CCDC68: variants seen among roughly 807,000 people sequenced by gnomAD.
CCDC68 encodes coiled-coil domain-containing protein 68.
A neutral mutation model predicts 47.1 loss-of-function variants in CCDC68; 45 were observed. That is an observed-to-expected ratio of 0.96 (90% CI 0.75 to 1.23). The LOEUF is 1.23. CCDC68 is among the 50% of genes most tolerant of loss of function. The pLI is 0.00. For synonymous variants in CCDC68, 131 were observed against 129.5 expected (o/e 1.01, Z -0.08); for missense variants, 353 against 373.6 (o/e 0.94, Z 0.45).
intron 6 of CCDC68, among the ~76,000 whole-genome samples, chr18:54,936,491 G>T (rs1824247937): frequency 6.6e-6 from 1 of 151,870 alleles, no homozygotes; most frequent in South Asian, 2.1e-4. Flanking sequence ...CTCAGTCTGG[G>T]CCATCTAGCG....
At chr18:54,934,695 T>A in intron 7 of CCDC68, 125 bp downstream of exon 7, 1 of 714,256 alleles carries the variant, frequency 1.4e-6, no homozygotes. Flanking sequence ...CCAAGAATTG[T>A]AAAGAATACT....
intron 1 of CCDC68, chr18:54,958,073 C>T (rs369116419): frequency 2.0e-5 from 3 of 152,340 alleles, no homozygotes; most frequent in South Asian, 4.1e-4. Flanking sequence ...AAGTCTCTTT[C>T]TAGTTAGGAC....
Position 54,917,899 on chromosome 18 carries a change from G to T in CCDC68, c.873+14C>A. On this transcript the variant is annotated intron_variant, in intron 10 of 11. Coordinates refer to ENST00000591504, the MANE Select transcript of CCDC68 (RefSeq NM_025214.3). ...CACCCTCACAACAAAATGTAAGACAGGTTCCCTCCTTACCTGGGCTTCAAG... is the reference window on the plus strand; with the variant it reads ...CACCCTCACAACAAAATGTAAGACATGTTCCCTCCTTACCTGGGCTTCAAG... 2 of 1,492,174 alleles carry T rather than the reference G, an allele frequency of 1.3e-6. No homozygotes were observed. The highest frequency in any genetic ancestry group is 9.3e-7 in the Non-Finnish European group (1 of 1,071,848). The allele number at this position is 1,492,174 out of a possible 1,614,324, so 92.4% of individuals were successfully genotyped here. A position where few individuals can be genotyped will look rare whatever the true frequency, so the allele number is the denominator to read the frequency against.
chr18:54,915,252 A>G (rs2043925414), intron 10 of CCDC68, among the ~76,000 whole-genome samples: 1 of 152,242 alleles, frequency 6.6e-6, no homozygotes. Context: ...GGCATTTCAA[A>G]TTCACTCACT....
chr18:54,944,892 A>G (rs2044500152), intron 2 of CCDC68, among the ~76,000 whole-genome samples: 1 of 152,208 alleles, frequency 6.6e-6, no homozygotes, highest in African/African-American at 2.4e-5. Context: ...TAAATTAAGG[A>G]TCTTAAGAGA....
At chr18:54,950,504 T>C (rs769569091) in intron 1 of CCDC68, among the ~76,000 whole-genome samples, 10 of 152,204 alleles carry the variant, frequency 6.6e-5, no homozygotes, top group Non-Finnish European at 1.5e-4. Context: ...TGTTACGCTG[T>C]ACCCAAGTTC....
chr18:54,954,824 A>C (rs1187632727), intron 1 of CCDC68: 1 of 152,198 alleles, frequency 6.6e-6, no homozygotes, highest in Non-Finnish European at 1.5e-5. Flanking sequence ...TGATTACTCC[A>C]TCCAATCACA....
At chr18:54,905,906 C>T (rs1025241092) in intron 11 of CCDC68, among the ~76,000 whole-genome samples, 3 of 152,134 alleles carry the variant, frequency 2.0e-5, no homozygotes, top group Admixed American at 1.3e-4. Context: ...CATAGGTGCA[C>T]GAACCCCATT....
chr18:54,930,597 T>C, intron 7 of CCDC68, among the ~76,000 whole-genome samples: 1 of 131,400 alleles, frequency 7.6e-6, no homozygotes, highest in Non-Finnish European at 1.7e-5. Context: ...CTCCCTTCCT[T>C]CCTTCCTTCC....
intron 8 of CCDC68, among the ~76,000 whole-genome samples, chr18:54,928,585 C>T (rs1218391035): frequency 6.6e-6 from 1 of 152,120 alleles, no homozygotes; most frequent in Non-Finnish European, 1.5e-5. Flanking sequence ...GTGAACTCTG[C>T]CCCCGGCTCC....
At chr18:54,932,612 G>C (rs905073241) in intron 7 of CCDC68, among the ~76,000 whole-genome samples, 1 of 152,182 alleles carries the variant, frequency 6.6e-6, no homozygotes, top group Admixed American at 6.5e-5. Flanking sequence ...TATTCTGGAA[G>C]GTTGCTGCAT....
intron 2 of CCDC68, 143 bp downstream of exon 2, chr18:54,945,245 T>G (rs1033614072): frequency 6.6e-6 from 1 of 152,196 alleles, no homozygotes; most frequent in Non-Finnish European, 1.5e-5. Context: ...CCTCTATGTA[T>G]TTTGGTTTTG....
intron 4 of CCDC68, among the ~76,000 whole-genome samples, chr18:54,940,025 A>AC (rs2044409954): frequency 6.6e-6 from 1 of 151,782 alleles, no homozygotes; most frequent in South Asian, 2.1e-4. Flanking sequence ...GCCTCATCTC[A>AC]CCTTCCTGGG....
chr18:54,907,012 G>A (rs1212305660), intron 11 of CCDC68, among the ~76,000 whole-genome samples: 2 of 152,206 alleles, frequency 1.3e-5, no homozygotes, highest in Non-Finnish European at 2.9e-5. Context: ...CTGAAGAGAC[G>A]TTTAGAAAAT....
chr18:54,950,971 C>G (rs1282193708), intron 1 of CCDC68, among the ~76,000 whole-genome samples: 1 of 121,674 alleles, frequency 8.2e-6, no homozygotes, highest in Non-Finnish European at 1.6e-5. Context: ...TGCAGTGGCG[C>G]GATCTCGGCT....
At chr18:54,936,796 G>A (rs1039688692) in intron 6 of CCDC68, 37 bp downstream of exon 6, 3 of 1,612,716 alleles carry the variant, frequency 1.9e-6, no homozygotes, top group Non-Finnish European at 2.5e-6. Context: ...TCAGGGTGGG[G>A]GCTAGTTCTC....
chr18:54,912,812 C>T (rs367710816), intron 10 of CCDC68, among the ~76,000 whole-genome samples: 1 of 152,140 alleles, frequency 6.6e-6, no homozygotes, highest in African/African-American at 2.4e-5. Context: ...CGCAAAGACA[C>T]GTCTTACATG....
intron 1 of CCDC68, among the ~76,000 whole-genome samples, chr18:54,953,906 C>T (rs1209925641): frequency 6.6e-6 from 1 of 151,962 alleles, no homozygotes; most frequent in Non-Finnish European, 1.5e-5. Context: ...ATTTGTCCAT[C>T]TGCACATACA....
intron 2 of CCDC68, among the ~76,000 whole-genome samples, 167 bp downstream of exon 2, chr18:54,945,221 G>C (rs1338125243): frequency 2.0e-5 from 3 of 152,164 alleles, no homozygotes; most frequent in Non-Finnish European, 4.4e-5. Context: ...TGAGTCTATA[G>C]GGTTCATTGT....
Sources: gnomAD v4.1 joint callset for allele counts (sites outside exome capture counted in the v4.1 genomes callset) on GRCh38, gnomAD v4.1.1 for gene constraint, MANE v1.5 for transcripts, NCBI Gene and HGNC (gene_info 2026-07-23, HGNC 2026-07-21) for gene names.